Variants in ANKS1B observed in about 807,000 individuals in gnomAD.
ANKS1B encodes ankyrin repeat and sterile alpha motif domain-containing protein 1B.
Under a neutral mutation model 148.3 loss-of-function variants are expected in ANKS1B, and 36 were observed. That is an observed-to-expected ratio of 0.24 (90% confidence interval 0.19 to 0.32). The LOEUF (loss-of-function observed/expected upper bound fraction) is 0.32. ANKS1B is among the 10% of genes least tolerant of loss of function. The probability of loss-of-function intolerance (pLI) is 1.00; values close to 1 mark genes in which losing one functional copy is unlikely to be tolerated. For missense variants in ANKS1B, 1,157 were observed against 1,542.6 expected (o/e 0.75, Z 4.19); for synonymous variants, 542 against 560.8 (o/e 0.97, Z 0.47).
In ANKS1B at chr12:99,477,693, A is replaced by G. The variant is rs564168196; in HGVS notation, c.1438+26783T>C. Reference sequence around the variant, plus strand: ...ATGATATCCATTGTTACTATCATAGATATTAAAATATATGTATCCTTTCAC... The same window carrying G: ...ATGATATCCATTGTTACTATCATAGGTATTAAAATATATGTATCCTTTCAC... On this transcript the variant is annotated intron_variant, in intron 10 of 26. Transcript: ENST00000683438. Among the ~76,000 whole-genome samples, 5 of 152,338 alleles carry G rather than the reference A, an allele frequency of 3.3e-5. No individual in the cohort carries two copies. The South Asian group carries it at 1.0e-3, about 32-fold the overall frequency.
At chr12:99,437,478 T>C (rs1484031593) in intron 11 of ANKS1B, among the ~76,000 whole-genome samples, 1 of 151,970 alleles carries the variant, frequency 6.6e-6, no homozygotes, top group African/African-American at 2.4e-5. Context: ...TTTAGATGAC[T>C]TGTCTGTGGT....
chr12:98,878,767 A>G (rs2099698708), intron 17 of ANKS1B, among the ~76,000 whole-genome samples: 1 of 152,206 alleles, frequency 6.6e-6, no homozygotes, highest in African/African-American at 2.4e-5. Flanking sequence ...GATACAACCG[A>G]TAATTTTATT....
chr12:99,814,244 A>G (rs2068810159), intron 2 of ANKS1B, among the ~76,000 whole-genome samples: 1 of 151,694 alleles, frequency 6.6e-6, no homozygotes, highest in African/African-American at 2.4e-5. Flanking sequence ...TAAGAAACAC[A>G]TGACTGTACT....
chr12:98,776,792 G>A (rs988278427), intron 24 of ANKS1B, among the ~76,000 whole-genome samples: 2 of 152,226 alleles, frequency 1.3e-5, no homozygotes, highest in Admixed American at 6.5e-5. Context: ...TAGACCTAGA[G>A]CTAACTGGTG....
intron 17 of ANKS1B, among the ~76,000 whole-genome samples, chr12:98,994,184 T>G (rs1228990082): frequency 6.6e-6 from 1 of 152,188 alleles, no homozygotes; most frequent in Non-Finnish European, 1.5e-5. Flanking sequence ...TAATGGAGTT[T>G]CCATGAGGTT....
chr12:98,865,040 A>G (rs946361937), intron 17 of ANKS1B, among the ~76,000 whole-genome samples: 1 of 151,944 alleles, frequency 6.6e-6, no homozygotes, highest in Non-Finnish European at 1.5e-5. Context: ...CTCTAACCTC[A>G]CTGTTGTTTT....
intron 9 of ANKS1B, among the ~76,000 whole-genome samples, chr12:99,637,260 G>A (rs376739851): frequency 1.3e-5 from 2 of 152,128 alleles, no homozygotes; most frequent in African/African-American, 2.4e-5. Context: ...TGCCAAGATC[G>A]TGCCACTGCA....
chr12:99,578,987 G>T lies in ANKS1B; in HGVS notation c.1273-74346C>A, dbSNP rs541280259. ...GAGTAACCAAAACAGCATGGTACTGGTTCAAAAACATATACACAGACCAAC... is the reference window on the plus strand; with the variant it reads ...GAGTAACCAAAACAGCATGGTACTGTTTCAAAAACATATACACAGACCAAC... On this transcript the variant is annotated intron_variant, in intron 9 of 26. Coordinates refer to ENST00000683438, the MANE Select transcript of ANKS1B (RefSeq NM_001352186.2). Among the ~76,000 whole-genome samples the T allele has an allele frequency of 2.6e-5, 4 of 152,184 alleles. No homozygotes were observed. In the East Asian group the frequency reaches 7.7e-4, roughly 29 times the overall value.
chr12:99,648,439 G>A (rs558756838), intron 9 of ANKS1B: 1 of 1,614,106 alleles, frequency 6.2e-7, no homozygotes, highest in Non-Finnish European at 8.5e-7. Context: ...CATGCTGCTG[G>A]CCCGACCAGC....
At position 99,806,752 on chromosome 12, in the gene ANKS1B, CA is replaced by C. The variant is rs1304355622; in HGVS notation, c.373-53del. 4 of 1,538,618 alleles carry C rather than the reference CA, an allele frequency of 2.6e-6. No homozygotes were observed. In the East Asian group the frequency reaches 9.1e-5, roughly 35 times the overall value. The stretch of plus-strand genomic sequence containing the variant: ...CATTTTCAGAAATTCAATTTGTTAT[CA>C]AAATCTTAACACAGTAATTTAAAAC... On this transcript the variant is annotated intron_variant, in intron 3 of 26. Coordinates refer to ENST00000683438, the MANE Select transcript of ANKS1B (RefSeq NM_001352186.2).
intron 12 of ANKS1B, among the ~76,000 whole-genome samples, chr12:99,389,398 GA>G (rs1392373710): frequency 6.6e-6 from 1 of 152,194 alleles, no homozygotes; most frequent in African/African-American, 2.4e-5. Flanking sequence ...CTTGTAGTTT[GA>G]AAACTGTTTT....
intron 9 of ANKS1B, among the ~76,000 whole-genome samples, chr12:99,517,643 C>T (rs184724792): frequency 4.0e-5 from 6 of 151,760 alleles, no homozygotes; most frequent in African/African-American, 7.2e-5. Flanking sequence ...GCAGGAGAAT[C>T]GCTTGAATAT....
intron 17 of ANKS1B, among the ~76,000 whole-genome samples, chr12:98,899,758 T>G (rs914178632): frequency 1.3e-5 from 2 of 152,228 alleles, no homozygotes; most frequent in African/African-American, 4.8e-5. Flanking sequence ...ACACACCATG[T>G]AAAGCATTAA....
chr12:99,413,120 T>C (rs1034017769), intron 11 of ANKS1B, among the ~76,000 whole-genome samples: 1 of 152,198 alleles, frequency 6.6e-6, no homozygotes, highest in African/African-American at 2.4e-5. Flanking sequence ...TATTGAGTAT[T>C]TAAGAGACGT....
chr12:99,052,562 C>T (rs371997706), intron 17 of ANKS1B, among the ~76,000 whole-genome samples: 1 of 148,354 alleles, frequency 6.7e-6, no homozygotes, highest in African/African-American at 2.5e-5. Context: ...CCCGTCTCTA[C>T]TAAAAAATAC....
At chr12:99,372,798 G>A (rs990129065) in intron 12 of ANKS1B, among the ~76,000 whole-genome samples, 1 of 151,982 alleles carries the variant, frequency 6.6e-6, no homozygotes, top group African/African-American at 2.4e-5. Flanking sequence ...TGGTACCAGT[G>A]CCAGGGTTTC....
intron 1 of ANKS1B, among the ~76,000 whole-genome samples, chr12:99,861,771 T>C (rs1278220756): frequency 6.6e-6 from 1 of 152,162 alleles, no homozygotes; most frequent in African/African-American, 2.4e-5. Flanking sequence ...ATATACTTCT[T>C]TTATGTAATT....
At position 98,807,846 on chromosome 12, in the gene ANKS1B, T is replaced by A; in HGVS notation, c.3139A>T (p.Asn1047Tyr). Residue 1047 changes from asparagine (N) to tyrosine (Y), a missense_variant and splice_region_variant, in exon 20 of 27, where the codon AAT becomes TAT. Around this residue, in one of 6 missense-constraint regions of ANKS1B, gnomAD observed 258 missense variants for 497.0 expected, o/e 0.52. Coordinates refer to ENST00000683438, the MANE Select transcript of ANKS1B (RefSeq NM_001352186.2). The part of the protein sequence containing the change: ...FPFSAIHQVH[N>Y]TGDWGEPSIT... ...AAAAGAACCATTTGTAACCTTACAT[T>A]ATGAACCTGATGGATCGCTGAGAAA... The A allele has an allele frequency of 6.2e-7, 1 of 1,613,082 alleles. No individual in the cohort carries two copies. The highest frequency in any genetic ancestry group is 8.5e-7 in the Non-Finnish European group (1 of 1,179,464).
At chr12:98,776,843 C>T (rs1056098036) in intron 24 of ANKS1B, among the ~76,000 whole-genome samples, 1 of 152,130 alleles carries the variant, frequency 6.6e-6, no homozygotes, top group Non-Finnish European at 1.5e-5. Context: ...AGCACATGTG[C>T]TTAACATGGC....
Sources: gnomAD v4.1 joint callset for allele counts (sites outside exome capture counted in the v4.1 genomes callset) on GRCh38, gnomAD v4.1.1 for gene constraint, gnomAD v4.1.1 regional missense constraint, MANE v1.5 for transcripts, NCBI Gene and HGNC (gene_info 2026-07-23, HGNC 2026-07-21) for gene names.